Variants in CPNE1 observed in about 807,000 individuals in gnomAD.
The protein encoded by CPNE1 is copine-1.
Under a neutral mutation model 63.2 loss-of-function variants are expected in CPNE1, and 58 were observed. The observed-to-expected ratio is 0.92, with a 90% CI of 0.74 to 1.14. The LOEUF is 1.14. CPNE1 is among the 50% of genes most tolerant of loss of function. The probability of loss-of-function intolerance (pLI) is 0.00; values close to 1 mark genes in which losing one functional copy is unlikely to be tolerated. For synonymous variants in CPNE1, 237 were observed against 249.0 expected (o/e 0.95, Z 0.45); for missense variants, 672 against 661.7 (o/e 1.02, Z -0.17).
Position 35,626,367 on chromosome 20 carries a change from T to G in CPNE1, c.1488A>C (p.Ala496=), listed in dbSNP as rs1362924962. ...CTTCTGCGAGCACGGTCTGTGCCAATGCCTCCCGAGGGGCCTGCCAAGAAA... is the reference window on the plus strand; with the variant it reads ...CTTCTGCGAGCACGGTCTGTGCCAAGGCCTCCCGAGGGGCCTGCCAAGAAA... ...YRRFQNAPRE[A]LAQTVLAEVP... Residue 496 remains alanine (A), a synonymous_variant, in exon 16 of 16, where the codon GCA becomes GCC. Transcript: ENST00000397443. The G allele has an allele frequency of 1.2e-6, 2 of 1,614,074 alleles. No individual in the cohort carries two copies. The highest frequency in any genetic ancestry group is 3.3e-5 in the Admixed American group (2 of 60,020).
chr20:35,636,501 T>C (rs1355184642), intron 1 of CPNE1, among the ~76,000 whole-genome samples: 1 of 152,188 alleles, frequency 6.6e-6, no homozygotes, highest in Non-Finnish European at 1.5e-5. Context: ...TGGTATCCTA[T>C]GAAAAAATCA....
At chr20:35,655,742 T>C (rs180997735) in intron 1 of CPNE1, among the ~76,000 whole-genome samples, 4 of 150,166 alleles carry the variant, frequency 2.7e-5, no homozygotes, top group Admixed American at 2.6e-4. Context: ...ATATAGAAGT[T>C]AGTATTTAAA....
At chr20:35,662,626 A>C (rs752040843) in intron 1 of CPNE1, among the ~76,000 whole-genome samples, 4 of 152,218 alleles carry the variant, frequency 2.6e-5, no homozygotes, top group Non-Finnish European at 5.9e-5. Flanking sequence ...CAACATCTAC[A>C]GAAGAAAACA....
chr20:35,649,782 G>A (rs2033374594), intron 1 of CPNE1: 1 of 151,406 alleles, frequency 6.6e-6, no homozygotes, highest in African/African-American at 2.4e-5. Flanking sequence ...AGAAGGGAGA[G>A]GAAAAAAAAT....
chr20:35,631,394 G>A, intron 8 of CPNE1, 40 bp from the exon 9 acceptor site: 1 of 1,608,940 alleles, frequency 6.2e-7, no homozygotes, highest in Middle Eastern at 1.7e-4. Context: ...AATTCTCAGA[G>A]CATCAGTCAA....
intron 1 of CPNE1, chr20:35,659,138 C>CAAAAAA (rs370328377): frequency 3.9e-6 from 1 of 253,598 alleles, no homozygotes. Context: ...GAATGCATAT[C>CAAAAAA]AAAAAAAAAA....
intron 1 of CPNE1, among the ~76,000 whole-genome samples, chr20:35,641,528 G>A (rs1243652877): frequency 1.3e-5 from 2 of 152,102 alleles, no homozygotes; most frequent in African/African-American, 2.4e-5. Flanking sequence ...TAAACTTCAG[G>A]TTCCTCAGGT....
At chr20:35,652,927 A>C in intron 1 of CPNE1, 1 of 1,613,788 alleles carries the variant, frequency 6.2e-7, no homozygotes, top group Non-Finnish European at 8.5e-7. Context: ...GGGACCGCCT[A>C]AGCTACCAGG....
chr20:35,654,470 G>A, intron 1 of CPNE1: 1 of 1,614,158 alleles, frequency 6.2e-7, no homozygotes, highest in East Asian at 2.2e-5. Context: ...ATCTGGATAG[G>A]GTTAACAGGA....
chr20:35,626,294 GC>G lies in CPNE1; in HGVS notation c.1560del (p.Leu521SerfsTer54). The G allele has an allele frequency of 1.2e-6, 2 of 1,614,106 alleles. No individual in the cohort carries two copies. The highest frequency in any genetic ancestry group is 1.7e-6 in the Non-Finnish European group (2 of 1,180,006). On this transcript the variant is annotated frameshift_variant, in exon 16 of 16. Transcript: ENST00000397443. LOFTEE classifies it high-confidence loss of function. ...TTGGCTGAGGGTGGAAGTGGCTTGA[GC>G]GGGGCCCAACCCTGGGCCCTGAAGT... ...VSYFRAQGWA[P>X]LKPLPPSAKD...
chr20:35,632,153 C>A lies in CPNE1; in HGVS notation c.456+10G>T. 1 of 1,613,852 alleles carries A rather than the reference C, an allele frequency of 6.2e-7. No homozygotes were observed. The highest frequency in any genetic ancestry group is 8.5e-7 in the Non-Finnish European group (1 of 1,179,720). ...ACTCTTGGATTACCAGGGCCTACTT[C>A]CAGACACACCTTCTTATCTAGGTTT... On this transcript the variant is annotated intron_variant, in intron 5 of 15. Coordinates refer to ENST00000397443, the MANE Select transcript of CPNE1 (RefSeq NM_152925.3).
chr20:35,664,431 T>C (rs1196915520), intron 1 of CPNE1: 2 of 152,326 alleles, frequency 1.3e-5, no homozygotes, highest in South Asian at 2.1e-4. Flanking sequence ...ACTCGGGATG[T>C]AGGCGTGTTT....
intron 1 of CPNE1, among the ~76,000 whole-genome samples, chr20:35,641,969 G>A (rs978895025): frequency 6.6e-6 from 1 of 152,188 alleles, no homozygotes; most frequent in Non-Finnish European, 1.5e-5. Flanking sequence ...GGTGGCCTTG[G>A]TAAGTTTAAA....
rs1486403785 is a variant in CPNE1, at chr20:35,627,398, A to T, written c.1118T>A (p.Val373Glu). 1 of 1,613,878 alleles carries T rather than the reference A, an allele frequency of 6.2e-7. No individual in the cohort carries two copies. The highest frequency in any genetic ancestry group is 1.3e-5 in the African/African-American group (1 of 74,902). Residue 373 changes from valine (V) to glutamate (E), a missense_variant, in exon 14 of 16, where the codon GTG becomes GAG. Transcript: ENST00000397443. The stretch of plus-strand genomic sequence containing the variant: ...GGGCAGGGCTTGGCGGTAGGCATCC[A>T]CAATGCCCTGGATGCCTGCAGAGGA... ...NPYCAGIQGI[V>E]DAYRQALPQV...
intron 1 of CPNE1, among the ~76,000 whole-genome samples, chr20:35,638,610 A>T (rs1212642662): frequency 6.6e-6 from 1 of 150,534 alleles, no homozygotes; most frequent in African/African-American, 2.4e-5. Flanking sequence ...AACCTAACAA[A>T]CACCTAGCCC....
intron 1 of CPNE1, among the ~76,000 whole-genome samples, chr20:35,660,366 G>A (rs1283477670): frequency 5.3e-5 from 8 of 151,982 alleles, no homozygotes; most frequent in Admixed American, 2.0e-4. Context: ...ACAGGCTTGC[G>A]CCACCACCCG....
chr20:35,648,064 C>CAAA (rs35084370), intron 1 of CPNE1, among the ~76,000 whole-genome samples: 5,707 of 131,320 alleles, frequency 0.043, 163 homozygotes, highest in African/African-American at 0.084. Flanking sequence ...GACTCCATCT[C>CAAA]AAAAAAAAAA....
intron 1 of CPNE1, among the ~76,000 whole-genome samples, chr20:35,641,595 T>C (rs2032815312): frequency 6.6e-6 from 1 of 152,222 alleles, no homozygotes; most frequent in Non-Finnish European, 1.5e-5. Context: ...GTATGCATGA[T>C]GCTTAGTACA....
chr20:35,630,743 G>T lies in CPNE1; in HGVS notation c.1048C>A (p.Gln350Lys). ...TGGCAGAAAGAGAGGGAGCTCACCT[G>T]CCAGTCAGGGGGAACCTGGGCCCCA... ...GFGAQVPPDWQVSHEFALNFN... is the reference protein window; with the variant it reads ...GFGAQVPPDWKVSHEFALNFN... Residue 350 changes from glutamine (Q) to lysine (K), a missense_variant and splice_region_variant, in exon 12 of 16, where the codon CAG becomes AAG. Coordinates refer to ENST00000397443, the MANE Select transcript of CPNE1 (RefSeq NM_152925.3). 1 of 1,613,942 alleles carries T rather than the reference G, an allele frequency of 6.2e-7. No individual in the cohort carries two copies. Among genetic ancestry groups the T allele is most frequent in the Non-Finnish European group, 8.5e-7 (1 of 1,179,850 alleles).
Sources: gnomAD v4.1 joint callset for allele counts (sites outside exome capture counted in the v4.1 genomes callset) on GRCh38, gnomAD v4.1.1 for gene constraint, MANE v1.5 for transcripts, NCBI Gene and HGNC (gene_info 2026-07-23, HGNC 2026-07-21) for gene names.